The following CDH10 variants were observed in gnomAD, a reference collection of about 807,000 sequenced individuals.
CDH10 encodes cadherin 10.
Under a neutral mutation model 73.1 loss-of-function variants are expected in CDH10, and 30 were observed. The observed-to-expected ratio is 0.41, with a 90% CI of 0.31 to 0.56. The LOEUF (loss-of-function observed/expected upper bound fraction) is 0.56, where lower values mean the gene tolerates loss of function less well. Among genes scored for constraint, CDH10 ranks in the 20% least tolerant of loss-of-function variants. The pLI, the probability that CDH10 is intolerant of heterozygous loss-of-function variation, is 0.27. For synonymous variants in CDH10, 345 were observed against 348.2 expected (o/e 0.99, Z 0.10); for missense variants, 815 against 973.7 (o/e 0.84, Z 2.17).
chr5:24,518,958 T>A (rs950042925), intron 5 of CDH10, among the ~76,000 whole-genome samples: 1 of 149,036 alleles, frequency 6.7e-6, no homozygotes, highest in Non-Finnish European at 1.5e-5. Flanking sequence ...TGGTGCGATC[T>A]TGGCTCACTG....
intron 5 of CDH10, among the ~76,000 whole-genome samples, chr5:24,520,560 T>G (rs6872189): frequency 0.015 from 2,214 of 152,262 alleles, 53 homozygotes; most frequent in African/African-American, 0.047. Flanking sequence ...ACACGGTAAT[T>G]AACTCTGGAC....
chr5:24,607,542 C>T (rs892618465), intron 1 of CDH10, among the ~76,000 whole-genome samples: 5 of 152,108 alleles, frequency 3.3e-5, no homozygotes, highest in African/African-American at 9.7e-5. Context: ...ATGACTTATA[C>T]GCTAAGCTTA....
chr5:24,502,076 C>T lies in CDH10; in HGVS notation c.1393+3036G>A, dbSNP rs558142069. Among the ~76,000 whole-genome samples, 16 of 140,030 alleles carry T rather than the reference C, an allele frequency of 1.1e-4. 1 individual carries two copies. The highest frequency in any genetic ancestry group is 1.1e-3 in the Admixed American group (15 of 14,012). The allele number at this position is 140,030 out of a possible 152,430, so 91.9% of individuals were successfully genotyped here. A position where few individuals can be genotyped will look rare whatever the true frequency, so the allele number is the denominator to read the frequency against. On this transcript the variant is annotated intron_variant, in intron 8 of 11. Coordinates refer to ENST00000264463, the MANE Select transcript of CDH10 (RefSeq NM_006727.5). ...TTGGGACTACAGGTGCCCGCCACTA[C>T]GTCCGGCTCATTTTTTTGTATTTTT...
intron 2 of CDH10, among the ~76,000 whole-genome samples, chr5:24,538,547 C>T (rs1744040845): frequency 6.6e-6 from 1 of 152,048 alleles, no homozygotes; most frequent in East Asian, 1.9e-4. Context: ...AGTGCAAATG[C>T]CAGTCCAGGA....
chr5:24,604,764 T>C (rs571611201), intron 1 of CDH10, among the ~76,000 whole-genome samples: 43 of 151,278 alleles, frequency 2.8e-4, no homozygotes, highest in African/African-American at 1.0e-3. Context: ...TCCCAGCTAC[T>C]TGGGAGGCAG....
chr5:24,563,208 C>T (rs1237799643), intron 2 of CDH10, among the ~76,000 whole-genome samples: 1 of 152,076 alleles, frequency 6.6e-6, no homozygotes, highest in East Asian at 1.9e-4. Flanking sequence ...GCAATAATTA[C>T]AGATGAGTTG....
chr5:24,532,382 G>A (rs1237346997), intron 5 of CDH10, among the ~76,000 whole-genome samples: 7 of 152,044 alleles, frequency 4.6e-5, no homozygotes, highest in Admixed American at 6.6e-5. Flanking sequence ...AGATTACTCC[G>A]CAAAGAAGAG....
chr5:24,578,029 G>T (rs4701451), intron 2 of CDH10, among the ~76,000 whole-genome samples: 143,289 of 152,210 alleles, frequency 0.94, 67,642 homozygotes, highest in East Asian at 1. Flanking sequence ...GTAATGGAGA[G>T]GACAAATACC....
chr5:24,639,921 G>A (rs1747989854), intron 1 of CDH10, among the ~76,000 whole-genome samples: 1 of 151,704 alleles, frequency 6.6e-6, no homozygotes, highest in South Asian at 2.1e-4. Flanking sequence ...AATAATAAGT[G>A]CTGAATTCCC....
At chr5:24,639,187 C>T (rs2112216320) in intron 1 of CDH10, among the ~76,000 whole-genome samples, 1 of 151,660 alleles carries the variant, frequency 6.6e-6, no homozygotes, top group East Asian at 1.9e-4. Context: ...TATGGTGCCT[C>T]ATTTAAATTT....
chr5:24,511,327 C>T lies in CDH10; in HGVS notation c.1002G>A (p.Lys334=). The change falls in exon 6 of 12, where the codon AAG becomes AAA. Residue 334 remains lysine, a splice_region_variant and synonymous_variant. Coordinates refer to ENST00000264463, the MANE Select transcript of CDH10 (RefSeq NM_006727.5). ...GCTTATTTATATGGATGCTGTGCAC[C>T]TTTTTCACAGTGATGATGCCTTCCT... is the stretch of plus-strand genomic sequence containing the variant. ...DTQEGIITVK[K]PLDYESRRLY... 1 of 1,596,908 alleles carries T rather than the reference C, an allele frequency of 6.3e-7. No individual in the cohort carries two copies.
At position 24,631,254 on chromosome 5, in the gene CDH10, C is replaced by G. The variant is rs143655346; in HGVS notation, c.-124+13340G>C. Among the ~76,000 whole-genome samples, 21 of 152,192 alleles carry G rather than the reference C, an allele frequency of 1.4e-4. No individual in the cohort carries two copies. The East Asian group carries it at 4.1e-3, about 29-fold the overall frequency. On this transcript the variant is annotated intron_variant, in intron 1 of 11. Transcript: ENST00000264463. Reference sequence around the variant, plus strand: ...TTATAATATCCTGTATGTTACTTTTCTGTGAAATTTTCATAGTATATTGTA... The same window carrying G: ...TTATAATATCCTGTATGTTACTTTTGTGTGAAATTTTCATAGTATATTGTA...
intron 2 of CDH10, among the ~76,000 whole-genome samples, chr5:24,584,118 T>A (rs1745897324): frequency 6.6e-6 from 1 of 152,154 alleles, no homozygotes; most frequent in South Asian, 2.1e-4. Context: ...TGGAACTACC[T>A]CATGAGGTTG....
rs147882578 is a variant in CDH10, at chr5:24,498,458, A to T, written c.1455T>A (p.Asn485Lys). The T allele has an allele frequency of 1.3e-6, 2 of 1,598,996 alleles. No individual in the cohort carries two copies. Among genetic ancestry groups the T allele is most frequent in the Non-Finnish European group, 1.7e-6 (2 of 1,166,422 alleles). ...VFVRILDVND[N>K]APQFAVFYDT... ...CATAGAACACAGCAAACTGTGGGGC[A>T]TTGTCATTAACATCCAAAATTCTCA... The change falls in exon 9 of 12, where the codon AAT (asparagine) becomes AAA (lysine). Residue 485 changes from asparagine to lysine, a missense_variant. Physicochemically the swap from Asn to Lys is moderately conservative, Grantham distance 94. Around this residue, in one of 3 missense-constraint regions of CDH10, gnomAD observed 516 missense variants for 636.6 expected, o/e 0.81. Transcript: ENST00000264463.
In CDH10 at chr5:24,509,712, T is replaced by C. The variant is rs1225345022; in HGVS notation, c.1110A>G (p.Ile370Met). 1 of 1,613,454 alleles carries C rather than the reference T, an allele frequency of 6.2e-7. No homozygotes were observed. Among genetic ancestry groups the C allele is most frequent in the South Asian group, 1.1e-5 (1 of 91,062 alleles). Reference sequence around the variant, plus strand: ...CCACATCTTCTATAGAGATTTTCACTATGGTAGTATCTTTAAATGGTCCTA... The same window carrying C: ...CCACATCTTCTATAGAGATTTTCACCATGGTAGTATCTTTAAATGGTCCTA... ...YYLGPFKDTT[I>M]VKISIEDVDE... Residue 370 changes from isoleucine (I) to methionine (M), a missense_variant, in exon 7 of 12, where the codon ATA becomes ATG. This residue lies in a region of CDH10 where 516 missense variants were observed against 636.6 expected (regional missense o/e 0.81). Coordinates refer to ENST00000264463, the MANE Select transcript of CDH10 (RefSeq NM_006727.5).
At chr5:24,510,225 T>G (rs1045214385) in intron 6 of CDH10, among the ~76,000 whole-genome samples, 3 of 152,250 alleles carry the variant, frequency 2.0e-5, no homozygotes, top group Admixed American at 2.0e-4. Flanking sequence ...ACATCTATGC[T>G]GTGATGTTTC....
intron 5 of CDH10, among the ~76,000 whole-genome samples, chr5:24,528,493 C>G (rs1743614391): frequency 6.6e-6 from 1 of 151,908 alleles, no homozygotes; most frequent in African/African-American, 2.4e-5. Flanking sequence ...TCACAGCTCA[C>G]TGAACGTACG....
intron 1 of CDH10, among the ~76,000 whole-genome samples, chr5:24,642,965 T>C (rs1748102619): frequency 8.5e-6 from 1 of 117,214 alleles, no homozygotes; most frequent in Non-Finnish European, 1.8e-5. Context: ...ACTCACACTT[T>C]AATAACACAG....
chr5:24,609,671 C>A (rs1289956001), intron 1 of CDH10: 1 of 148,636 alleles, frequency 6.7e-6, no homozygotes, highest in Non-Finnish European at 1.5e-5. Context: ...ACAACAGAGA[C>A]CCAGAGGAAT....
Sources: gnomAD v4.1 joint callset for allele counts (sites outside exome capture counted in the v4.1 genomes callset) on GRCh38, gnomAD v4.1.1 for gene constraint, gnomAD v4.1.1 regional missense constraint, MANE v1.5 for transcripts, NCBI Gene and HGNC (gene_info 2026-07-23, HGNC 2026-07-21) for gene names.